The following ST8SIA2 variants were observed in gnomAD, a reference collection of about 807,000 sequenced individuals.
ST8SIA2 encodes the protein alpha-2,8-sialyltransferase 8B.
In ST8SIA2, 22 loss-of-function variants were observed where a neutral mutation model predicts 37.6. That is an observed-to-expected ratio of 0.58 (90% CI 0.42 to 0.83). The LOEUF (loss-of-function observed/expected upper bound fraction) is 0.83, where lower values mean the gene tolerates loss of function less well. Ranked by LOEUF, ST8SIA2 falls within the 40% of genes least tolerant of loss-of-function variation. The pLI is 0.00. For missense variants in ST8SIA2, 382 were observed against 484.7 expected, an observed-to-expected ratio of 0.79 and a Z score of 1.99; for synonymous variants, 205 against 201.2, an observed-to-expected ratio of 1.02 and a Z score of -0.16.
intron 5 of ST8SIA2, among the ~76,000 whole-genome samples, chr15:92,449,498 G>T (rs2049866958): frequency 6.6e-6 from 1 of 152,200 alleles, no homozygotes; most frequent in African/African-American, 2.4e-5. Context: ...TTGGTAGAAT[G>T]ATTTGTTTTC....
chr15:92,395,962 A>T (rs2049427591), intron 1 of ST8SIA2, among the ~76,000 whole-genome samples: 1 of 152,248 alleles, frequency 6.6e-6, no homozygotes, highest in Non-Finnish European at 1.5e-5. Context: ...TCAGGAGATC[A>T]CTTTGCACAT....
At chr15:92,442,034 G>T (rs2049806950) in intron 4 of ST8SIA2, among the ~76,000 whole-genome samples, 1 of 152,174 alleles carries the variant, frequency 6.6e-6, no homozygotes, top group South Asian at 2.1e-4. Flanking sequence ...ACTTTGGGAG[G>T]CCTGGCCTAC....
rs1002094400 is a variant in ST8SIA2, at chr15:92,397,265, T to C, written c.98+3103T>C. 2.6e-5 allele frequency among the ~76,000 whole-genome samples: 4 copies of C among 152,232 alleles called. No homozygotes were observed. The East Asian group carries it at 7.7e-4, about 29-fold the overall frequency. On this transcript the variant is annotated intron_variant, in intron 1 of 5. Coordinates refer to ENST00000268164, the MANE Select transcript of ST8SIA2 (RefSeq NM_006011.4). ...CTGAGATTTACTTTTCTGAAGCTTT[T>C]GATTCTCTTTTTTTTATAAAATGAG... is the stretch of plus-strand genomic sequence containing the variant.
At chr15:92,458,213 G>A (rs1007093848) in intron 5 of ST8SIA2, among the ~76,000 whole-genome samples, 3 of 152,136 alleles carry the variant, frequency 2.0e-5, no homozygotes, top group African/African-American at 4.8e-5. Flanking sequence ...TCAGGGATTC[G>A]GGGATCTAGG....
intron 4 of ST8SIA2, among the ~76,000 whole-genome samples, chr15:92,444,169 A>C (rs931220598): frequency 3.3e-5 from 5 of 152,218 alleles, no homozygotes; most frequent in Non-Finnish European, 5.9e-5. Context: ...TCAAAGCTAA[A>C]GTAATGGAAG....
At chr15:92,418,212 G>A (rs2049601927) in intron 1 of ST8SIA2, among the ~76,000 whole-genome samples, 1 of 152,040 alleles carries the variant, frequency 6.6e-6, no homozygotes, top group Non-Finnish European at 1.5e-5. Flanking sequence ...CCAGCAGTTT[G>A]GGAGGCTGAG....
intron 1 of ST8SIA2, among the ~76,000 whole-genome samples, chr15:92,398,579 TTG>T (rs1166783626): frequency 6.6e-6 from 1 of 152,124 alleles, no homozygotes; most frequent in Non-Finnish European, 1.5e-5. Context: ...GTGGCACTGT[TTG>T]TAGAGCTCTG....
chr15:92,429,548 T>C (rs2049699927), intron 1 of ST8SIA2, among the ~76,000 whole-genome samples: 1 of 152,224 alleles, frequency 6.6e-6, no homozygotes, highest in Non-Finnish European at 1.5e-5. Flanking sequence ...ATGATCACAT[T>C]TGAATGGAGG....
chr15:92,405,175 A>G (rs543714794), intron 1 of ST8SIA2, among the ~76,000 whole-genome samples: 2 of 152,364 alleles, frequency 1.3e-5, no homozygotes, highest in Admixed American at 6.5e-5. Context: ...GACACAAGCT[A>G]TAAGATGGGT....
intron 5 of ST8SIA2, among the ~76,000 whole-genome samples, chr15:92,452,680 C>A (rs1660727789): frequency 6.6e-6 from 1 of 152,144 alleles, no homozygotes; most frequent in South Asian, 2.1e-4. Context: ...ACAGGTAGAC[C>A]AGGGATTAGT....
chr15:92,450,631 T>A (rs1226182503), intron 5 of ST8SIA2, among the ~76,000 whole-genome samples: 1 of 152,158 alleles, frequency 6.6e-6, no homozygotes, highest in African/African-American at 2.4e-5. Context: ...CCAGATCTTA[T>A]GAGAACTCAC....
At chr15:92,432,099 A>C (rs3784735) in intron 2 of ST8SIA2, among the ~76,000 whole-genome samples, 66,949 of 151,914 alleles carry the variant, frequency 0.44, 16,073 homozygotes, top group East Asian at 0.7. Context: ...AGTGTGCCCC[A>C]GTCTCTGAGA....
intron 5 of ST8SIA2, among the ~76,000 whole-genome samples, chr15:92,459,200 C>T (rs2049940871): frequency 6.6e-6 from 1 of 152,206 alleles, no homozygotes; most frequent in African/African-American, 2.4e-5. Context: ...TAAGACCTTG[C>T]TATCAGAAAA....
chr15:92,438,641 A>G (rs2049778301), intron 4 of ST8SIA2, 31 bp downstream of exon 4: 1 of 1,572,636 alleles, frequency 6.4e-7, no homozygotes, highest in Non-Finnish European at 8.6e-7. Context: ...CTCTGGGGCC[A>G]GAGCGGCGGG....
In ST8SIA2 at chr15:92,438,593, C is replaced by G; in HGVS notation, c.531C>G (p.Ala177=). 2 of 1,608,544 alleles carry G rather than the reference C, an allele frequency of 1.2e-6. No individual in the cohort carries two copies. The highest frequency in any genetic ancestry group is 2.7e-5 in the African/African-American group (2 of 74,738). The change falls in exon 4 of 6, where the codon GCC becomes GCG. Residue 177 remains alanine, a synonymous_variant. Transcript: ENST00000268164. The part of the protein sequence containing the change: ...LNSGCGQEID[A]HSFVIRCNLA... ...GCGGCTGTGGGCAGGAGATTGACGC[C>G]CACAGCTTCGTCATCAGGTAACATG...
intron 1 of ST8SIA2, among the ~76,000 whole-genome samples, chr15:92,404,667 C>CAA (rs35691790): frequency 2.9e-5 from 3 of 105,190 alleles, no homozygotes; most frequent in Non-Finnish European, 5.9e-5. Context: ...ACTAAAAATA[C>CAA]AAAAAAAAAA....
At position 92,447,370 on chromosome 15, in the gene ST8SIA2, T is replaced by A. The variant is rs77200674; in HGVS notation, c.842+2441T>A. Among the ~76,000 whole-genome samples the A allele has an allele frequency of 1.7e-3, 254 of 152,246 alleles. 2 individuals are homozygous for A. Among genetic ancestry groups the A allele is most frequent in the African/African-American group, 6.0e-3 (249 of 41,538 alleles). ...GTTTGGGGGCATTGTGGAAGGGAGTTCTTTCTTGAGCATACGAAGTGTGAG... is the reference window on the plus strand; with the variant it reads ...GTTTGGGGGCATTGTGGAAGGGAGTACTTTCTTGAGCATACGAAGTGTGAG... On this transcript the variant is annotated intron_variant, in intron 5 of 5. Coordinates refer to ENST00000268164, the MANE Select transcript of ST8SIA2 (RefSeq NM_006011.4).
At chr15:92,396,042 T>C (rs1455542128) in intron 1 of ST8SIA2, among the ~76,000 whole-genome samples, 1 of 152,238 alleles carries the variant, frequency 6.6e-6, no homozygotes, top group African/African-American at 2.4e-5. Context: ...CCCATATATG[T>C]ACGCACCCCG....
At chr15:92,434,224 CT>C (rs752212496) in intron 2 of ST8SIA2, 22 bp from the exon 3 acceptor site, 1 of 1,613,734 alleles carries the variant, frequency 6.2e-7, no homozygotes, top group South Asian at 1.1e-5. Flanking sequence ...TGTCTACCCT[CT>C]TTCTTTTTTT....
Sources: gnomAD v4.1 joint callset for allele counts (sites outside exome capture counted in the v4.1 genomes callset) on GRCh38, gnomAD v4.1.1 for gene constraint, MANE v1.5 for transcripts, NCBI Gene and HGNC (gene_info 2026-07-23, HGNC 2026-07-21) for gene names.